Variants in ANK2 observed in about 807,000 individuals in gnomAD.
ANK2 encodes the protein ankyrin-2.
Under a neutral mutation model 360.5 loss-of-function variants are expected in ANK2, and 83 were observed. The ratio of observed to expected loss-of-function variants is 0.23; its 90% CI spans 0.19 to 0.28. The LOEUF (loss-of-function observed/expected upper bound fraction) is 0.28, where lower values mean the gene tolerates loss of function less well. ANK2 is among the 10% of genes least tolerant of loss of function. The pLI, the probability that ANK2 is intolerant of heterozygous loss-of-function variation, is 1.00. For missense variants in ANK2, 4,201 were observed against 4,795.7 expected, an observed-to-expected ratio of 0.88 and a Z score of 3.66; for synonymous variants, 1,740 against 1,759.5, an observed-to-expected ratio of 0.99 and a Z score of 0.28.
chr4:112,796,261 T>C, the ANK2 span, among the ~76,000 whole-genome samples: 1 of 151,978 alleles, frequency 6.6e-6, no homozygotes, highest in Admixed American at 6.6e-5. Context: ...CCATCTCTAC[T>C]AAAAATACAG....
chr4:113,176,456 A>C lies in ANK2; in HGVS notation c.186+1939A>C, dbSNP rs553024379. Reference sequence around the variant, plus strand: ...TCCATCTTATTTTTCATTATGAATCATTTTATCTGATTTTTTTTTGTGTTC... The same window carrying C: ...TCCATCTTATTTTTCATTATGAATCCTTTTATCTGATTTTTTTTTGTGTTC... On this transcript the variant is annotated intron_variant, in intron 2 of 45. Transcript: ENST00000357077. 9.7e-4 allele frequency among the ~76,000 whole-genome samples: 147 copies of C among 152,066 alleles called. 5 individuals carry two copies. The South Asian group carries it at 0.03, about 31-fold the overall frequency.
At chr4:113,272,645 T>C (rs1028540693) in intron 14 of ANK2, among the ~76,000 whole-genome samples, 5 of 152,142 alleles carry the variant, frequency 3.3e-5, no homozygotes, top group Non-Finnish European at 5.9e-5. Context: ...AGAAGAACAT[T>C]AATGCTATAC....
chr4:112,889,678 C>T (rs1202358671), intron 1 of ANK2, among the ~76,000 whole-genome samples: 1 of 151,866 alleles, frequency 6.6e-6, no homozygotes, highest in Non-Finnish European at 1.5e-5. Context: ...ATTAGTAAAG[C>T]ATGTCATGAT....
At chr4:113,165,816 A>G (rs1323219061) in intron 1 of ANK2, among the ~76,000 whole-genome samples, 1 of 152,130 alleles carries the variant, frequency 6.6e-6, no homozygotes, top group Non-Finnish European at 1.5e-5. Context: ...TTATTTCTTG[A>G]AAAAATCTGA....
intron 2 of ANK2, among the ~76,000 whole-genome samples, chr4:113,034,331 G>A (rs2061100212): frequency 1.3e-5 from 2 of 151,950 alleles, no homozygotes; most frequent in African/African-American, 4.8e-5. Context: ...AATAATAACT[G>A]AGTAATCCTG....
chr4:112,733,164 C>T, the ANK2 span, among the ~76,000 whole-genome samples: 1 of 152,036 alleles, frequency 6.6e-6, no homozygotes, highest in African/African-American at 2.4e-5. Flanking sequence ...TGCAGTGAGC[C>T]AAGATCCTGC....
the ANK2 span, among the ~76,000 whole-genome samples, chr4:112,785,731 C>T: frequency 1.3e-5 from 2 of 151,674 alleles, no homozygotes; most frequent in South Asian, 2.1e-4. Context: ...GTAGTGGGCG[C>T]GATCATAGCT....
chr4:113,373,414 C>T lies in ANK2; in HGVS notation c.11824C>T (p.Arg3942Cys), dbSNP rs1344245343. Residue 3942 changes from arginine to cysteine, a missense_variant, in exon 45 of 46, where the codon CGT becomes TGT. By Grantham distance (180) the Arg-to-Cys change is radical (BLOSUM62 -3). This residue lies in a region of ANK2 where 2,642 missense variants were observed against 2,714.5 expected (regional missense o/e 0.97). Transcript: ENST00000357077. ...GGATGGCTATTCCAAAGTTATAAAGCGTGTTGTATTGAAGAGTGACACCGA... is the reference window on the plus strand; with the variant it reads ...GGATGGCTATTCCAAAGTTATAAAGTGTGTTGTATTGAAGAGTGACACCGA... The part of the protein sequence containing the change: ...EGDGYSKVIK[R>C]VVLKSDTEQS... The T allele has an allele frequency of 6.2e-6, 10 of 1,614,006 alleles. No homozygotes were observed. The highest frequency in any genetic ancestry group is 1.6e-4 in the Middle Eastern group (1 of 6,084).
chr4:112,766,923 C>G, the ANK2 span, among the ~76,000 whole-genome samples: 1 of 152,208 alleles, frequency 6.6e-6, no homozygotes, highest in Non-Finnish European at 1.5e-5. Flanking sequence ...TTCCACTGTA[C>G]AAACCATCAC....
At chr4:113,327,007 GA>G (rs1048041767) in intron 26 of ANK2, among the ~76,000 whole-genome samples, 6 of 150,544 alleles carry the variant, frequency 4.0e-5, no homozygotes, top group African/African-American at 1.5e-4. Flanking sequence ...CTCTCTCAAG[GA>G]AAAAAAAATT....
intron 17 of ANK2, among the ~76,000 whole-genome samples, chr4:113,278,943 C>T (rs560185302): frequency 7.9e-5 from 12 of 151,958 alleles, no homozygotes; most frequent in Non-Finnish European, 1.6e-4. Context: ...TCATTCTTTC[C>T]GACTTCAAAC....
At chr4:112,720,518 C>A in the ANK2 span, among the ~76,000 whole-genome samples, 1 of 152,184 alleles carries the variant, frequency 6.6e-6, no homozygotes, top group African/African-American at 2.4e-5. Flanking sequence ...CTCCCATTTA[C>A]AAACTCTCTT....
In ANK2 at chr4:113,005,602, A is replaced by G. The variant is rs967498805; in HGVS notation, c.21+101088A>G. Among the ~76,000 whole-genome samples the G allele has an allele frequency of 3.3e-5, 5 of 152,290 alleles. 1 individual carries two copies. ...TGTGAGGGGTGGGTAGGAAGGAGAG[A>G]GGATGAAGAGAGATTGGTTATGGGT... On this transcript the variant is annotated intron_variant, in intron 2 of 30. Transcript: ENST00000503271.
At chr4:112,747,429 C>A in the ANK2 span, among the ~76,000 whole-genome samples, 1 of 152,074 alleles carries the variant, frequency 6.6e-6, no homozygotes, top group Admixed American at 6.5e-5. Context: ...TGATAATGTA[C>A]AAGAATATTT....
At chr4:112,880,598 G>A (rs2076428087) in intron 1 of ANK2, 1 of 152,206 alleles carries the variant, frequency 6.6e-6, no homozygotes, top group Non-Finnish European at 1.5e-5. Flanking sequence ...AGAGAAGTTA[G>A]CTCCAGAGAT....
At chr4:112,822,591 C>A (rs1188106688) in intron 1 of ANK2, among the ~76,000 whole-genome samples, 12 of 151,558 alleles carry the variant, frequency 7.9e-5, no homozygotes, top group African/African-American at 2.9e-4. Context: ...ACTAAAATTA[C>A]AAAAATTAGC....
At chr4:113,211,566 C>T (rs962471064) in intron 4 of ANK2, among the ~76,000 whole-genome samples, 5 of 152,280 alleles carry the variant, frequency 3.3e-5, no homozygotes, top group South Asian at 2.1e-4. Context: ...GACAACTTTT[C>T]CGTAAACAAA....
chr4:113,369,970 C>T (rs1390479557), intron 43 of ANK2, among the ~76,000 whole-genome samples, 165 bp downstream of exon 43: 2 of 152,150 alleles, frequency 1.3e-5, no homozygotes, highest in East Asian at 1.9e-4. Context: ...ATCTGAGAGC[C>T]GATGAATCTT....
the ANK2 span, among the ~76,000 whole-genome samples, chr4:112,784,336 C>T: frequency 6.7e-6 from 1 of 149,956 alleles, no homozygotes; most frequent in Non-Finnish European, 1.5e-5. Flanking sequence ...AGGCACGTGC[C>T]ACCACCCTGA....
Sources: gnomAD v4.1 joint callset for allele counts (sites outside exome capture counted in the v4.1 genomes callset) on GRCh38, gnomAD v4.1.1 for gene constraint, gnomAD v4.1.1 regional missense constraint, MANE v1.5 for transcripts, NCBI Gene and HGNC (gene_info 2026-07-23, HGNC 2026-07-21) for gene names.